The following PRKCH variants were observed in gnomAD, a reference collection of about 807,000 sequenced individuals.
PRKCH encodes protein kinase C eta, also known as protein kinase C eta type.
In PRKCH, 28 loss-of-function variants were observed where a neutral mutation model predicts 82.5. The ratio of observed to expected loss-of-function variants is 0.34; its 90% CI spans 0.25 to 0.47. The LOEUF (loss-of-function observed/expected upper bound fraction) is 0.47, where lower values mean the gene tolerates loss of function less well. PRKCH is among the 20% of genes least tolerant of loss of function. The pLI, the probability that PRKCH is intolerant of heterozygous loss-of-function variation, is 1.00. For missense variants in PRKCH, 705 were observed against 881.8 expected (o/e 0.80, Z 2.54); for synonymous variants, 322 against 327.4 (o/e 0.98, Z 0.18).
intron 1 of PRKCH, among the ~76,000 whole-genome samples, chr14:61,252,083 C>T (rs905504886): frequency 5.9e-5 from 9 of 152,206 alleles, no homozygotes; most frequent in Admixed American, 4.6e-4. Context: ...CGTGATCTGC[C>T]TGCCTCAGCC....
intron 9 of PRKCH, among the ~76,000 whole-genome samples, chr14:61,464,450 T>C (rs1885166201): frequency 6.6e-6 from 1 of 152,052 alleles, no homozygotes; most frequent in Non-Finnish European, 1.5e-5. Context: ...GTTTGTTACA[T>C]AGGTGTACAT....
At chr14:61,257,717 G>A (rs2045011307) in intron 1 of PRKCH, among the ~76,000 whole-genome samples, 1 of 151,174 alleles carries the variant, frequency 6.6e-6, no homozygotes, top group Non-Finnish European at 1.5e-5. Context: ...TTATAGTATT[G>A]TAAACCTAGC....
intron 2 of PRKCH, among the ~76,000 whole-genome samples, chr14:61,403,174 AT>A (rs1237013598): frequency 2.6e-5 from 4 of 152,182 alleles, no homozygotes; most frequent in African/African-American, 9.6e-5. Context: ...TGGAATTGTT[AT>A]TGTTTTTAAT....
chr14:61,435,181 C>T (rs534932130), intron 2 of PRKCH, among the ~76,000 whole-genome samples: 31 of 152,300 alleles, frequency 2.0e-4, no homozygotes, highest in African/African-American at 5.1e-4. Context: ...CTCAGTAATA[C>T]GCTTATCGTT....
chr14:61,197,265 T>C (rs1344606961), intron 1 of PRKCH, among the ~76,000 whole-genome samples: 1 of 152,230 alleles, frequency 6.6e-6, no homozygotes, highest in Non-Finnish European at 1.5e-5. Flanking sequence ...TAATACTTGC[T>C]GATATATTAT....
Position 61,369,306 on chromosome 14 carries a change from T to C in PRKCH, c.364-21919T>C, listed in dbSNP as rs1308058407. ...CTAACAAGTTCCCAGGGGATACTTATGCTGCTGGTCTTGGGGATCACACTT... is the reference window on the plus strand; with the variant it reads ...CTAACAAGTTCCCAGGGGATACTTACGCTGCTGGTCTTGGGGATCACACTT... On this transcript the variant is annotated intron_variant, in intron 1 of 13. Coordinates refer to ENST00000332981, the MANE Select transcript of PRKCH (RefSeq NM_006255.5). Among the ~76,000 whole-genome samples, 13 of 152,226 alleles carry C rather than the reference T, an allele frequency of 8.5e-5. No individual in the cohort carries two copies. The East Asian group carries it at 2.3e-3, about 27-fold the overall frequency.
intron 1 of PRKCH, among the ~76,000 whole-genome samples, chr14:61,363,957 T>C (rs1036408341): frequency 2.8e-5 from 4 of 142,848 alleles, no homozygotes; most frequent in African/African-American, 1.0e-4. Flanking sequence ...TAAAATTTTA[T>C]ATATATACGT....
At chr14:61,451,048 A>C in intron 6 of PRKCH, 77 bp downstream of exon 6, 1 of 1,528,042 alleles carries the variant, frequency 6.5e-7, no homozygotes, top group Non-Finnish European at 8.9e-7. Flanking sequence ...CTGTGGACTC[A>C]GAATCTGTCC....
At chr14:61,368,271 A>C (rs1594951850) in intron 1 of PRKCH, among the ~76,000 whole-genome samples, 1 of 147,968 alleles carries the variant, frequency 6.8e-6, no homozygotes. Context: ...TCTACCCTTC[A>C]CCTCTTCTCT....
chr14:61,252,554 T>C (rs1352368515), intron 1 of PRKCH, among the ~76,000 whole-genome samples: 1 of 152,196 alleles, frequency 6.6e-6, no homozygotes, highest in Non-Finnish European at 1.5e-5. Flanking sequence ...GGATGAGATA[T>C]CTGGCTGAGA....
chr14:61,408,250 C>G (rs1882070086), intron 2 of PRKCH, among the ~76,000 whole-genome samples: 1 of 152,166 alleles, frequency 6.6e-6, no homozygotes, highest in African/African-American at 2.4e-5. Flanking sequence ...CAGAGTCTCA[C>G]TGCTTTGGGG....
At chr14:61,432,337 T>C (rs1267206483) in intron 2 of PRKCH, among the ~76,000 whole-genome samples, 1 of 152,236 alleles carries the variant, frequency 6.6e-6, no homozygotes, top group Non-Finnish European at 1.5e-5. Flanking sequence ...TTTTTTAACA[T>C]ACCACTTTCT....
At chr14:61,210,105 C>A (rs1354889940) in intron 1 of PRKCH, among the ~76,000 whole-genome samples, 2 of 105,134 alleles carry the variant, frequency 1.9e-5, no homozygotes, top group Non-Finnish European at 1.9e-5. Context: ...AACAAACAAA[C>A]AAACAAATAT....
intron 9 of PRKCH, among the ~76,000 whole-genome samples, chr14:61,478,371 C>T (rs2140320653): frequency 6.6e-6 from 1 of 152,242 alleles, no homozygotes; most frequent in African/African-American, 2.4e-5. Context: ...TCCTCTTAGT[C>T]ATACCAGGGA....
chr14:61,229,841 T>C (rs898645906), intron 1 of PRKCH, among the ~76,000 whole-genome samples: 2 of 152,106 alleles, frequency 1.3e-5, no homozygotes, highest in Non-Finnish European at 2.9e-5. Context: ...CAAGCCAGGT[T>C]AACACACATG....
Position 61,549,962 on chromosome 14 carries a change from CTCTGTGAAGGAT to C in PRKCH, c.*132_*143del. 2.0e-6 allele frequency: 2 copies of C among 991,490 alleles called. No individual in the cohort carries two copies. Among genetic ancestry groups the C allele is most frequent in the East Asian group, 4.9e-5 (2 of 41,128 alleles). 61.4% of individuals were successfully genotyped at this position (991,490 alleles called of 1,614,324 possible). On this transcript the variant is annotated 3_prime_UTR_variant, in exon 14 of 14. Transcript: ENST00000332981. ...TTACCTTCAAGGAGCAAGTGAAGAA[CTCTGTGAAGGAT>C]GGAACTTTCAGATATCAACTATTTA... is the stretch of plus-strand genomic sequence containing the variant.
At position 61,517,925 on chromosome 14, in the gene PRKCH, C is replaced by A. The variant is rs1204827187; in HGVS notation, c.1434-11150C>A. On this transcript the variant is annotated intron_variant, in intron 10 of 13. Coordinates refer to ENST00000332981, the MANE Select transcript of PRKCH (RefSeq NM_006255.5). ...TCAGAATCTGCCATGGCTCTTTGAT[C>A]CTGTTTGTCCTCCTGCCCTTGAGTG... 2.0e-5 allele frequency among the ~76,000 whole-genome samples: 3 copies of A among 152,288 alleles called. 1 individual carries two copies. Among genetic ancestry groups the A allele is most frequent in the Admixed American group, 6.5e-5 (1 of 15,298 alleles).
chr14:61,476,063 G>A (rs944238031), intron 9 of PRKCH, among the ~76,000 whole-genome samples: 1 of 152,210 alleles, frequency 6.6e-6, no homozygotes, highest in African/African-American at 2.4e-5. Context: ...AGACCTGATT[G>A]TCCTACTTAA....
intron 2 of PRKCH, among the ~76,000 whole-genome samples, chr14:61,430,048 G>A (rs1214958203): frequency 6.6e-6 from 1 of 152,146 alleles, no homozygotes; most frequent in African/African-American, 2.4e-5. Context: ...GGAATCAAGA[G>A]TAGAGGCATA....
Sources: gnomAD v4.1 joint callset for allele counts (sites outside exome capture counted in the v4.1 genomes callset) on GRCh38, gnomAD v4.1.1 for gene constraint, MANE v1.5 for transcripts, NCBI Gene and HGNC (gene_info 2026-07-23, HGNC 2026-07-21) for gene names.